ZNF766: variants seen among roughly 807,000 people sequenced by gnomAD.
ZNF766 encodes zinc finger protein 766.
A neutral mutation model predicts 13.2 loss-of-function variants in ZNF766; 13 were observed. That is an observed-to-expected ratio of 0.98 (90% CI 0.64 to 1.56). ZNF766 has a LOEUF of 1.56. Ranked by LOEUF, ZNF766 falls within the 40% of genes most tolerant of loss-of-function variation. ZNF766 has a pLI of 0.00. For missense variants in ZNF766, 521 were observed against 552.2 expected (o/e 0.94, Z 0.57); for synonymous variants, 178 against 187.6 (o/e 0.95, Z 0.42).
Position 52,269,592 on chromosome 19 carries a change from C to A in ZNF766, c.-22C>A. ...GTTCGCGCGCAGCCGCCTGCAGACCCGGAAGTGGATGGCGTGGAGATATGG... is the reference window on the plus strand; with the variant it reads ...GTTCGCGCGCAGCCGCCTGCAGACCAGGAAGTGGATGGCGTGGAGATATGG... On this transcript the variant is annotated 5_prime_UTR_variant, in exon 1 of 4. Transcript: ENST00000439461. The A allele has an allele frequency of 6.2e-7, 1 of 1,611,924 alleles. No homozygotes were observed.
chr19:52,277,631 G>A, intron 1 of ZNF766: 2 of 1,387,370 alleles, frequency 1.4e-6, no homozygotes. Flanking sequence ...TGAGTCTGAA[G>A]CATCCTGCCT....
intron 1 of ZNF766, chr19:52,281,782 T>G (rs753018565): frequency 2.0e-6 from 1 of 505,694 alleles, no homozygotes; most frequent in Non-Finnish European, 4.1e-6. Flanking sequence ...AAGTGTTAGG[T>G]ATTATGTTCG....
chr19:52,272,985 T>C (rs1213974000), intron 1 of ZNF766, among the ~76,000 whole-genome samples: 3 of 151,864 alleles, frequency 2.0e-5, no homozygotes, highest in Non-Finnish European at 4.4e-5. Flanking sequence ...GTTCAAAATA[T>C]GTAAGATGTT....
chr19:52,274,127 G>C (rs1981090285), intron 1 of ZNF766, among the ~76,000 whole-genome samples: 1 of 152,184 alleles, frequency 6.6e-6, no homozygotes, highest in African/African-American at 2.4e-5. Context: ...GTCCCACTCT[G>C]TTTTGTCCAG....
chr19:52,270,349 G>A (rs554852571), intron 1 of ZNF766, among the ~76,000 whole-genome samples: 1 of 152,286 alleles, frequency 6.6e-6, no homozygotes, highest in Admixed American at 6.5e-5. Context: ...CGCAGAGGGA[G>A]GGTGAGAGAT....
intron 3 of ZNF766, among the ~76,000 whole-genome samples, chr19:52,287,737 T>C (rs868728992): frequency 3.3e-5 from 5 of 152,228 alleles, no homozygotes; most frequent in Non-Finnish European, 7.3e-5. Context: ...TTATCCATTT[T>C]TTTCTTGGTT....
chr19:52,284,633 T>C (rs1009133959), intron 3 of ZNF766: 5 of 152,026 alleles, frequency 3.3e-5, no homozygotes, highest in African/African-American at 1.2e-4. Context: ...GGCTAAGGGT[T>C]GAGTTCCCAA....
At chr19:52,281,402 CT>C (rs143360320) in intron 1 of ZNF766, 19,099 of 263,590 alleles carry the variant, frequency 0.072, 1,028 homozygotes, top group East Asian at 0.22. Context: ...GCCTGTAATG[CT>C]AGCTGCTCGG....
chr19:52,277,691 C>T (rs979365236), intron 1 of ZNF766: 8 of 916,632 alleles, frequency 8.7e-6, no homozygotes, highest in Admixed American at 6.7e-5. Flanking sequence ...CCTCTCATCT[C>T]GCTTAGATTC....
intron 2 of ZNF766, among the ~76,000 whole-genome samples, chr19:52,283,035 G>A (rs564371222): frequency 6.6e-6 from 1 of 152,108 alleles, no homozygotes; most frequent in African/African-American, 2.4e-5. Context: ...GGTATTTCTG[G>A]TTCTAGATCC....
In ZNF766 at chr19:52,293,736, C is replaced by G. The variant is rs758006014; in HGVS notation, c.*2538C>G. Reference sequence around the variant, plus strand: ...CGCCTTCCAGGTTCAAGTGATTCTCCTGCCTCAGCCTCCCGAGTAGCTGGG... The same window carrying G: ...CGCCTTCCAGGTTCAAGTGATTCTCGTGCCTCAGCCTCCCGAGTAGCTGGG... On this transcript the variant is annotated 3_prime_UTR_variant, in exon 4 of 4. Transcript: ENST00000439461. 6.6e-6 allele frequency: 1 copy of G among 152,240 alleles called. No individual in the cohort carries two copies. The highest frequency in any genetic ancestry group is 1.5e-5 in the Non-Finnish European group (1 of 68,180). 9.4% of individuals were successfully genotyped at this position (152,240 alleles called of 1,614,324 possible). A position where few individuals can be genotyped will look rare whatever the true frequency, so the allele number is the denominator to read the frequency against.
At chr19:52,288,517 G>A (rs1321497410) in intron 3 of ZNF766, among the ~76,000 whole-genome samples, 2 of 151,914 alleles carry the variant, frequency 1.3e-5, no homozygotes, top group Admixed American at 6.6e-5. Context: ...ACAAGCACAC[G>A]ACACTGTGCC....
chr19:52,269,607 T>C lies in ZNF766; in HGVS notation c.-7T>C, dbSNP rs769791933. On this transcript the variant is annotated 5_prime_UTR_variant, in exon 1 of 4. Transcript: ENST00000439461. Reference sequence around the variant, plus strand: ...CCTGCAGACCCGGAAGTGGATGGCGTGGAGATATGGCGCAACTGCGGCGCG... The same window carrying C: ...CCTGCAGACCCGGAAGTGGATGGCGCGGAGATATGGCGCAACTGCGGCGCG... 25 of 1,612,112 alleles carry C rather than the reference T, an allele frequency of 1.6e-5. 1 individual carries two copies. The South Asian group carries it at 2.6e-4, about 17-fold the overall frequency.
intron 1 of ZNF766, among the ~76,000 whole-genome samples, chr19:52,271,587 C>T (rs1980976807): frequency 6.6e-6 from 1 of 152,172 alleles, no homozygotes. Flanking sequence ...GACATCCTTC[C>T]TCTGGCATCA....
At chr19:52,274,998 T>C (rs780262192) in intron 1 of ZNF766, among the ~76,000 whole-genome samples, 1 of 152,306 alleles carries the variant, frequency 6.6e-6, no homozygotes, top group South Asian at 2.1e-4. Context: ...GGAGCGTCCA[T>C]GATGCATTAT....
chr19:52,270,335 G>T lies in ZNF766; in HGVS notation c.18+704G>T, dbSNP rs575102400. Among the ~76,000 whole-genome samples, 48 of 152,270 alleles carry T rather than the reference G, an allele frequency of 3.2e-4. 2 individuals carry two copies. The South Asian group carries it at 8.9e-3, about 28-fold the overall frequency. ...AATGAGGAAGATCCATAACAAGACG[G>T]CAACGCAGAGGGAGGGTGAGAGATT... On this transcript the variant is annotated intron_variant, in intron 1 of 3. Coordinates refer to ENST00000439461, the MANE Select transcript of ZNF766 (RefSeq NM_001010851.3).
At position 52,291,350 on chromosome 19, in the gene ZNF766, C is replaced by T; in HGVS notation, c.*152C>T. 1.3e-6 allele frequency: 1 copy of T among 768,484 alleles called. No individual in the cohort carries two copies. Among genetic ancestry groups the T allele is most frequent in the Non-Finnish European group, 2.0e-6 (1 of 493,838 alleles). 47.6% of individuals were successfully genotyped at this position (768,484 alleles called of 1,614,324 possible). A position where few individuals can be genotyped will look rare whatever the true frequency, so the allele number is the denominator to read the frequency against. ...GAAACATTCATCTTTGGTGAAACCA[C>T]ACAAATGGATTGTGTGTGCCAAGGC... On this transcript the variant is annotated 3_prime_UTR_variant, in exon 4 of 4. Transcript: ENST00000439461.
chr19:52,279,296 G>C (rs1981365681), intron 1 of ZNF766, among the ~76,000 whole-genome samples: 2 of 152,180 alleles, frequency 1.3e-5, no homozygotes, highest in African/African-American at 4.8e-5. Flanking sequence ...ATAGTTTGAA[G>C]TTGGATAACT....
intron 2 of ZNF766, among the ~76,000 whole-genome samples, chr19:52,282,977 T>A (rs1981606737): frequency 6.6e-6 from 1 of 152,196 alleles, no homozygotes; most frequent in African/African-American, 2.4e-5. Context: ...GTAGAATGAC[T>A]TATAATCCTT....
Sources: gnomAD v4.1 joint callset for allele counts (sites outside exome capture counted in the v4.1 genomes callset) on GRCh38, gnomAD v4.1.1 for gene constraint, MANE v1.5 for transcripts, NCBI Gene and HGNC (gene_info 2026-07-23, HGNC 2026-07-21) for gene names.